The following CACNA1C variants were observed in gnomAD, a reference collection of about 807,000 sequenced individuals.
CACNA1C encodes the protein voltage-dependent L-type calcium channel subunit alpha-1C.
Under a neutral mutation model 229.0 loss-of-function variants are expected in CACNA1C, and 30 were observed. The ratio of observed to expected loss-of-function variants is 0.13; its 90% CI spans 0.10 to 0.18. The LOEUF (loss-of-function observed/expected upper bound fraction) is 0.18, where lower values mean the gene tolerates loss of function less well. Among genes scored for constraint, CACNA1C ranks in the 10% least tolerant of loss-of-function variants. The probability of loss-of-function intolerance (pLI) is 1.00; values close to 1 mark genes in which losing one functional copy is unlikely to be tolerated. For missense variants in CACNA1C, 1,658 were observed against 2,845.0 expected (o/e 0.58, Z 9.49); for synonymous variants, 1,114 against 1,132.5 (o/e 0.98, Z 0.33).
chr12:2,331,462 G>A (rs958256947), intron 3 of CACNA1C, among the ~76,000 whole-genome samples: 4 of 152,244 alleles, frequency 2.6e-5, no homozygotes, highest in African/African-American at 9.6e-5. Flanking sequence ...AGAAAGTCAT[G>A]CTCTCAGAAG....
rs375973969 is a variant in CACNA1C at position 2,500,710 on chromosome 12, G to A, written c.1114-4132G>A. Among the ~76,000 whole-genome samples the A allele has an allele frequency of 4.7e-4, 71 of 152,260 alleles. No homozygotes were observed. The South Asian group carries it at 0.013, about 29-fold the overall frequency. ...CCTCTGCCACTCTTGATCCCCTGAC[G>A]CACACGGGGCAAGCTCCTTTGGGGT... On this transcript the variant is annotated intron_variant, in intron 7 of 46. Transcript: ENST00000399655.
intron 1 of CACNA1C, among the ~76,000 whole-genome samples, chr12:2,040,753 A>G (rs2049942296): frequency 6.6e-6 from 1 of 152,206 alleles, no homozygotes; most frequent in Non-Finnish European, 1.5e-5. Flanking sequence ...GATGACAGAA[A>G]ATTCCATCTT....
intron 29 of CACNA1C, among the ~76,000 whole-genome samples, chr12:2,622,487 G>C (rs74053892): frequency 0.071 from 10,753 of 152,154 alleles, 930 homozygotes; most frequent in African/African-American, 0.21. Flanking sequence ...TCCTTGCCCT[G>C]GAGGAGCTCA....
Position 2,025,138 on chromosome 12 carries a change from C to G in CACNA1C, c.139+53937C>G, listed in dbSNP as rs184804436. Among the ~76,000 whole-genome samples the G allele has an allele frequency of 6.6e-5, 10 of 152,354 alleles. No homozygotes were observed. In the East Asian group the frequency reaches 1.9e-3, roughly 29 times the overall value. Reference sequence around the variant, plus strand: ...TCTCAGTTCCCTTACCCTGCGTTCTCTGTCTCTTTGTGCAATTCTGTGGTC... The same window carrying G: ...TCTCAGTTCCCTTACCCTGCGTTCTGTGTCTCTTTGTGCAATTCTGTGGTC... On this transcript the variant is annotated intron_variant, in intron 1 of 46. Transcript: ENST00000682462.
chr12:2,616,889 C>T (rs2080912022), intron 29 of CACNA1C, among the ~76,000 whole-genome samples: 1 of 152,246 alleles, frequency 6.6e-6, no homozygotes, highest in Non-Finnish European at 1.5e-5. Flanking sequence ...GCCCTGCACG[C>T]TGGTCTCTGC....
intron 1 of CACNA1C, among the ~76,000 whole-genome samples, chr12:2,102,680 G>A (rs762943627): frequency 6.6e-6 from 1 of 151,904 alleles, no homozygotes; most frequent in Non-Finnish European, 1.5e-5. Flanking sequence ...GGTTTGCTTC[G>A]CCCATCAACC....
At chr12:2,269,881 C>T (rs2084076370) in intron 3 of CACNA1C, 1 of 152,164 alleles carries the variant, frequency 6.6e-6, no homozygotes, top group African/African-American at 2.4e-5. Flanking sequence ...GGGAGGAGGA[C>T]CATGAGGGAG....
chr12:2,340,233 A>G (rs551612374), intron 3 of CACNA1C, among the ~76,000 whole-genome samples: 61 of 152,362 alleles, frequency 4.0e-4, no homozygotes, highest in African/African-American at 1.4e-3. Flanking sequence ...TATTCTATAT[A>G]TACCCCTTTT....
chr12:2,303,316 G>T (rs907827415), intron 3 of CACNA1C, among the ~76,000 whole-genome samples: 8 of 152,316 alleles, frequency 5.3e-5, no homozygotes, highest in African/African-American at 1.9e-4. Flanking sequence ...CTGAGATCAA[G>T]GTGGTGCAGG....
At chr12:1,987,711 A>C (rs748662578) in intron 1 of CACNA1C, among the ~76,000 whole-genome samples, 1 of 152,226 alleles carries the variant, frequency 6.6e-6, no homozygotes, top group Non-Finnish European at 1.5e-5. Flanking sequence ...ACACAAATTC[A>C]CACACAGATA....
rs1188175702 is a variant in CACNA1C at position 2,501,010 on chromosome 12, T to A, written c.1114-3832T>A. Reference sequence around the variant, plus strand: ...TCACGAGGTCAGGAGATCGAGACCATCCTGGCTAACACGGTGAAACCCCGT... The same window carrying A: ...TCACGAGGTCAGGAGATCGAGACCAACCTGGCTAACACGGTGAAACCCCGT... On this transcript the variant is annotated intron_variant, in intron 7 of 46. Transcript: ENST00000399655. Among the ~76,000 whole-genome samples, 6 of 149,426 alleles carry A rather than the reference T, an allele frequency of 4.0e-5. No individual in the cohort carries two copies. In the East Asian group the frequency reaches 6.0e-4, roughly 15 times the overall value.
upstream of CACNA1C, among the ~76,000 whole-genome samples, chr12:2,052,040 T>A (rs1274391499): frequency 6.6e-6 from 1 of 152,106 alleles, no homozygotes; most frequent in Admixed American, 6.5e-5. Context: ...GAAGCCCCAC[T>A]GGAGGGGAGC....
At chr12:2,325,135 C>A (rs2096232186) in intron 3 of CACNA1C, among the ~76,000 whole-genome samples, 1 of 152,134 alleles carries the variant, frequency 6.6e-6, no homozygotes, top group Non-Finnish European at 1.5e-5. Context: ...ATGAGTGTGC[C>A]GCCCTACCCT....
chr12:2,319,144 C>G lies in CACNA1C; in HGVS notation c.478-129832C>G, dbSNP rs2095841902. On this transcript the variant is annotated intron_variant, in intron 3 of 46. Coordinates refer to ENST00000399655, the MANE Select transcript of CACNA1C (RefSeq NM_000719.7). The surrounding 1 kb of genome is among the most constrained non-coding windows in gnomAD (Gnocchi z 4.0). Reference sequence around the variant, plus strand: ...TTTTCCTACCCCATCACCTACCTGTCACCTGTCCTGGGCAGGCAGGGGTCC... The same window carrying G: ...TTTTCCTACCCCATCACCTACCTGTGACCTGTCCTGGGCAGGCAGGGGTCC... Among the ~76,000 whole-genome samples, 2 of 152,032 alleles carry G rather than the reference C, an allele frequency of 1.3e-5. No individual in the cohort carries two copies. Among genetic ancestry groups the G allele is most frequent in the Non-Finnish European group, 2.9e-5 (2 of 67,996 alleles).
intron 38 of CACNA1C, among the ~76,000 whole-genome samples, chr12:2,670,613 C>G (rs759650012): frequency 9.2e-5 from 14 of 151,994 alleles, no homozygotes; most frequent in Non-Finnish European, 2.1e-4. Flanking sequence ...GTAATTCCAG[C>G]ACTTTGAGAG....
At chr12:2,499,671 G>A (rs1411717174) in intron 7 of CACNA1C, among the ~76,000 whole-genome samples, 3 of 152,164 alleles carry the variant, frequency 2.0e-5, no homozygotes, top group Admixed American at 6.5e-5. Context: ...CTTGGGCCTG[G>A]AGGCCCTCAA....
chr12:2,452,303 G>A (rs1466513442), intron 4 of CACNA1C, among the ~76,000 whole-genome samples: 1 of 152,042 alleles, frequency 6.6e-6, no homozygotes, highest in African/African-American at 2.4e-5. Context: ...AAACACAGAG[G>A]GACTGTGGCG....
chr12:2,446,189 A>C (rs1057481453), intron 3 of CACNA1C, among the ~76,000 whole-genome samples: 5 of 131,876 alleles, frequency 3.8e-5, no homozygotes, highest in Non-Finnish European at 6.3e-5. Context: ...GGATATATGT[A>C]GGTGGGTGGG....
rs558856368 is a variant in CACNA1C at position 2,566,251 on chromosome 12, C to T, written c.1509-171C>T. On this transcript the variant is annotated intron_variant, in intron 11 of 46. Transcript: ENST00000399655. This position sits in a 1 kb window ranked among gnomAD's most constrained non-coding sequence, Gnocchi z 4.0. ...GAGGAGTTCAGGGGCATCCCCAAGG[C>T]GGCAGGGCCTGGTTAGCTGGATGAG... Among the ~76,000 whole-genome samples, 19 of 152,282 alleles carry T rather than the reference C, an allele frequency of 1.2e-4. No individual in the cohort carries two copies. The East Asian group carries it at 2.1e-3, about 17-fold the overall frequency.
Sources: gnomAD v4.1 joint callset for allele counts (sites outside exome capture counted in the v4.1 genomes callset) on GRCh38, gnomAD v4.1.1 for gene constraint, Gnocchi (gnomAD v3.1) non-coding constraint, MANE v1.5 for transcripts, NCBI Gene and HGNC (gene_info 2026-07-23, HGNC 2026-07-21) for gene names.